ARNT: variants seen among roughly 807,000 people sequenced by gnomAD.
ARNT encodes aryl hydrocarbon receptor nuclear translocator.
In ARNT, 30 loss-of-function variants were observed where a neutral mutation model predicts 105.0. That is an observed-to-expected ratio of 0.29 (90% CI 0.21 to 0.39). The LOEUF (loss-of-function observed/expected upper bound fraction) is 0.39. Ranked by LOEUF, ARNT falls within the 10% of genes least tolerant of loss-of-function variation. The pLI is 1.00. For missense variants in ARNT, 748 were observed against 978.7 expected, an observed-to-expected ratio of 0.76 and a Z score of 3.15; for synonymous variants, 304 against 344.0, an observed-to-expected ratio of 0.88 and a Z score of 1.29.
At chr1:150,851,512 A>G (rs1316052171) in intron 3 of ARNT, among the ~76,000 whole-genome samples, 1 of 152,270 alleles carries the variant, frequency 6.6e-6, no homozygotes, top group East Asian at 1.9e-4. Context: ...GTTCTGTACT[A>G]AGAAAAATTC....
intron 13 of ARNT, among the ~76,000 whole-genome samples, chr1:150,824,901 G>A (rs1240193001): frequency 7.3e-5 from 11 of 150,440 alleles, no homozygotes; most frequent in Admixed American, 6.0e-4. Flanking sequence ...TTGCTCTATC[G>A]CCCAGGCTGG....
intron 1 of ARNT, among the ~76,000 whole-genome samples, chr1:150,859,513 AT>A (rs914393279): frequency 4.8e-5 from 7 of 146,496 alleles, no homozygotes; most frequent in Non-Finnish European, 7.5e-5. Flanking sequence ...CACCTCGGTG[AT>A]TTTTTTTTTC....
chr1:150,832,291 G>A, intron 9 of ARNT, 43 bp downstream of exon 9: 1 of 1,595,930 alleles, frequency 6.3e-7, no homozygotes, highest in East Asian at 2.2e-5. Context: ...GATCTCTGCA[G>A]GTATTTGGCC....
chr1:150,829,855 G>T, intron 11 of ARNT, 49 bp downstream of exon 11: 13 of 1,572,718 alleles, frequency 8.3e-6, no homozygotes, highest in Non-Finnish European at 1.1e-5. Flanking sequence ...GAGTCCTGAA[G>T]ATCTGCTCTA....
At chr1:150,859,306 C>A (rs1165753345) in intron 1 of ARNT, among the ~76,000 whole-genome samples, 2 of 151,104 alleles carry the variant, frequency 1.3e-5, no homozygotes, top group Admixed American at 1.3e-4. Flanking sequence ...CCAATTCAAT[C>A]TCATCCCCCA....
At position 150,823,357 on chromosome 1, in the gene ARNT, T is replaced by C; in HGVS notation, c.1243-12A>G. ...TTTAATTTCACTACCTGAAAAAGTTTTCATGCCATCAGTGGAACTCATAGA... is the reference window on the plus strand; with the variant it reads ...TTTAATTTCACTACCTGAAAAAGTTCTCATGCCATCAGTGGAACTCATAGA... On this transcript the variant is annotated splice_polypyrimidine_tract_variant and intron_variant, in intron 13 of 21. Coordinates refer to ENST00000358595, the MANE Select transcript of ARNT (RefSeq NM_001668.4). 1 of 1,583,788 alleles carries C rather than the reference T, an allele frequency of 6.3e-7. No homozygotes were observed. Among genetic ancestry groups the C allele is most frequent in the Admixed American group, 1.8e-5 (1 of 56,454 alleles).
intron 2 of ARNT, among the ~76,000 whole-genome samples, chr1:150,856,124 T>G (rs918840739): frequency 2.2e-4 from 33 of 152,230 alleles, no homozygotes; most frequent in Non-Finnish European, 4.3e-4. Flanking sequence ...TTTCTAACTT[T>G]CTGTATTTTC....
chr1:150,865,076 A>G (rs1274481491), intron 1 of ARNT, among the ~76,000 whole-genome samples: 1 of 152,016 alleles, frequency 6.6e-6, no homozygotes, highest in Non-Finnish European at 1.5e-5. Flanking sequence ...GTTTGAAGTA[A>G]TAGAAGTAGG....
At chr1:150,815,857 C>CT (rs766647758) in intron 19 of ARNT, among the ~76,000 whole-genome samples, 5 of 103,996 alleles carry the variant, frequency 4.8e-5, no homozygotes, top group Non-Finnish European at 9.8e-5. Flanking sequence ...GAGCAAGACT[C>CT]TGTCTCAAAA....
chr1:150,826,508 A>G, intron 13 of ARNT, 35 bp downstream of exon 13: 1 of 1,545,834 alleles, frequency 6.5e-7, no homozygotes, highest in Non-Finnish European at 8.9e-7. Context: ...AATATGACAA[A>G]TATTTATTCA....
intron 3 of ARNT, among the ~76,000 whole-genome samples, chr1:150,851,007 G>A (rs1340265691): frequency 4.8e-5 from 7 of 145,462 alleles, no homozygotes; most frequent in African/African-American, 5.3e-5. Flanking sequence ...CCCTCTGCCC[G>A]GCAGCCACCC....
intron 1 of ARNT, among the ~76,000 whole-genome samples, chr1:150,858,672 C>G (rs1048128997): frequency 2.0e-5 from 3 of 148,332 alleles, no homozygotes; most frequent in Non-Finnish European, 3.0e-5. Context: ...CTAGAGTGCA[C>G]TGGTATAATC....
At position 150,810,043 on chromosome 1, in the gene ARNT, G is replaced by A. The variant is rs587695371; in HGVS notation, c.*1978C>T. The A allele has an allele frequency of 1.1e-4, 26 of 228,898 alleles. No individual in the cohort carries two copies. Among genetic ancestry groups the A allele is most frequent in the Middle Eastern group, 1.3e-3 (1 of 784 alleles). 14.2% of individuals were successfully genotyped at this position (228,898 alleles called of 1,614,324 possible). Reference sequence around the variant, plus strand: ...CTGGTTGTGGGTGCCTGTTGTTTATGAACTGGAAAGGAATGATAAAGCCGC... The same window carrying A: ...CTGGTTGTGGGTGCCTGTTGTTTATAAACTGGAAAGGAATGATAAAGCCGC... On this transcript the variant is annotated 3_prime_UTR_variant, in exon 22 of 22. Transcript: ENST00000358595.
In ARNT at chr1:150,829,091, ACCTGTGGCTGGTAG is replaced by A; in HGVS notation, c.1155_1167+1del. On this transcript the variant is annotated splice_donor_variant and coding_sequence_variant, in exon 12 of 22. Transcript: ENST00000358595. LOFTEE classifies it high-confidence loss of function. ...AGGCCTAATGGAGCTCCAGCTCCTC[ACCTGTGGCTGGTAG>A]CCAACAGTAGCCACACAGCGGTGAT... 1 of 1,613,986 alleles carries A rather than the reference ACCTGTGGCTGGTAG, an allele frequency of 6.2e-7. No homozygotes were observed. Among genetic ancestry groups the A allele is most frequent in the Non-Finnish European group, 8.5e-7 (1 of 1,179,910 alleles).
At chr1:150,872,907 A>G (rs1343346947) in intron 1 of ARNT, among the ~76,000 whole-genome samples, 1 of 152,130 alleles carries the variant, frequency 6.6e-6, no homozygotes, top group East Asian at 1.9e-4. Context: ...GGCTGCAGTG[A>G]GCCATGATTG....
In ARNT at chr1:150,823,195, T is replaced by G. The variant is rs1421552887; in HGVS notation, c.1393A>C (p.Lys465Gln). ...EYIICTNTNVKNSSQEPRPTL... is the reference protein window; with the variant it reads ...EYIICTNTNVQNSSQEPRPTL... Reference sequence around the variant, plus strand: ...TTCACACTCCTGTATAATACATACTTCACATTGGTGTTGGTACAGATGATG... The same window carrying G: ...TTCACACTCCTGTATAATACATACTGCACATTGGTGTTGGTACAGATGATG... Residue 465 changes from lysine (K) to glutamine (Q), a missense_variant and splice_region_variant, in exon 14 of 22, where the codon AAG becomes CAG. Lys to Gln is a moderately conservative substitution (Grantham distance 53, BLOSUM62 1). This residue lies in a region of ARNT where 360 missense variants were observed against 411.9 expected (regional missense o/e 0.87). Transcript: ENST00000358595. 28 of 1,603,938 alleles carry G rather than the reference T, an allele frequency of 1.7e-5. No individual in the cohort carries two copies. The highest frequency in any genetic ancestry group is 2.1e-5 in the Non-Finnish European group (25 of 1,173,300).
At chr1:150,869,454 G>A (rs1457693345) in intron 1 of ARNT, among the ~76,000 whole-genome samples, 1 of 152,132 alleles carries the variant, frequency 6.6e-6, no homozygotes, top group Admixed American at 6.5e-5. Flanking sequence ...CCCAGCCTGG[G>A]TGACAGAAGG....
chr1:150,829,232 G>C lies in ARNT; in HGVS notation c.1033-5C>G. 6.2e-7 allele frequency: 1 copy of C among 1,612,524 alleles called. No homozygotes were observed. Among genetic ancestry groups the C allele is most frequent in the Non-Finnish European group, 8.5e-7 (1 of 1,179,038 alleles). The stretch of plus-strand genomic sequence containing the variant: ...ACAGTTGGGAGAACTAGTTACCTGA[G>C]AGTGAAGAGATAAAAATGAGGTAAA... On this transcript the variant is annotated splice_region_variant and splice_polypyrimidine_tract_variant and intron_variant, in intron 11 of 21. Transcript: ENST00000358595.
In ARNT at chr1:150,811,927, G is replaced by T; in HGVS notation, c.*94C>A. 2 of 967,758 alleles carry T rather than the reference G, an allele frequency of 2.1e-6. No individual in the cohort carries two copies. The highest frequency in any genetic ancestry group is 1.4e-6 in the Non-Finnish European group (1 of 694,038). The allele number at this position is 967,758 out of a possible 1,614,324, so 59.9% of individuals were successfully genotyped here. A position where few individuals can be genotyped will look rare whatever the true frequency, so the allele number is the denominator to read the frequency against. On this transcript the variant is annotated 3_prime_UTR_variant, in exon 22 of 22. Transcript: ENST00000358595. ...ATGTCAGGGGTGAGGGAAGGGAAGG[G>T]AGAGGAACTTTTATTCTGTTTACAG...
Sources: gnomAD v4.1 joint callset for allele counts (sites outside exome capture counted in the v4.1 genomes callset) on GRCh38, gnomAD v4.1.1 for gene constraint, gnomAD v4.1.1 regional missense constraint, MANE v1.5 for transcripts, NCBI Gene and HGNC (gene_info 2026-07-23, HGNC 2026-07-21) for gene names.